Variants in CLDN2 observed in about 807,000 individuals in gnomAD.
CLDN2 encodes claudin 2.
In CLDN2, 1 loss-of-function variant was observed where a neutral mutation model predicts 8.2. That is an observed-to-expected ratio of 0.12 (90% CI 0.04 to 0.58). The LOEUF (loss-of-function observed/expected upper bound fraction) is 0.58, where lower values mean the gene tolerates loss of function less well. Among genes scored for constraint, CLDN2 ranks in the 20% least tolerant of loss-of-function variants. The probability of loss-of-function intolerance (pLI) is 0.90; values close to 1 mark genes in which losing one functional copy is unlikely to be tolerated. For synonymous variants in CLDN2, 70 were observed against 70.2 expected, an observed-to-expected ratio of 1.00 and a Z score of 0.01; for missense variants, 108 against 172.9, an observed-to-expected ratio of 0.62 and a Z score of 2.11.
upstream of CLDN2, among the ~76,000 whole-genome samples, chrX:106,918,169 A>C (rs1933338929): frequency 8.9e-6 from 1 of 112,337 alleles, no homozygotes; most frequent in African/African-American, 3.2e-5. Flanking sequence ...TTCAATCAGC[A>C]TTTTCTACTT....
intron 1 of CLDN2, chrX:106,901,683 C>T: frequency 1.9e-6 from 1 of 513,377 alleles, no homozygotes; most frequent in Non-Finnish European, 3.2e-6. Flanking sequence ...CAATACCCAC[C>T]CCTCAACAAG....
At chrX:106,903,480 G>A in intron 1 of CLDN2, 1 of 382,287 alleles carries the variant, frequency 2.6e-6, no homozygotes, top group Non-Finnish European at 4.4e-6. Flanking sequence ...GGGTTACCTG[G>A]GTGTGAAATC....
At chrX:106,911,941 A>G (rs192585700) in intron 1 of CLDN2, among the ~76,000 whole-genome samples, 95 of 111,610 alleles carry the variant, frequency 8.5e-4, no homozygotes, top group African/African-American at 3.0e-3. Context: ...GGGCCTTCTA[A>G]GACAGAGCAC....
In CLDN2 at chrX:106,929,023, A is replaced by T; in HGVS notation, c.*102A>T. On this transcript the variant is annotated 3_prime_UTR_variant, in exon 2 of 2. Coordinates refer to ENST00000336803, the MANE Select transcript of CLDN2 (RefSeq NM_020384.4). The stretch of plus-strand genomic sequence containing the variant: ...GGACACTACCACTGGATCGTGTCAG[A>T]AGGTGCTGCTGAGGATAGACTGACT... The T allele has an allele frequency of 1.4e-6, 1 of 712,177 alleles. No homozygotes were observed. The highest frequency in any genetic ancestry group is 2.1e-6 in the Non-Finnish European group (1 of 474,293). The allele number at this position is 712,177 out of a possible 1,213,427, so 58.7% of individuals were successfully genotyped here.
rs138799168 is a variant in CLDN2, at chrX:106,908,567, C to CT, written c.-179+8078dup. 1.7e-3 allele frequency among the ~76,000 whole-genome samples: 153 copies of CT among 91,505 alleles called. 1 individual carries two copies. The highest frequency in any genetic ancestry group is 3.0e-3 in the East Asian group (9 of 2,954). 79.5% of individuals were successfully genotyped at this position (91,505 alleles called of 115,157 possible). A position where few individuals can be genotyped will look rare whatever the true frequency, so the allele number is the denominator to read the frequency against. ...GTATTTTTTTTCTTTCTTTTCTTTTCTTTTTTTTTTTTTTTGTTGTTGTTT... is the reference window on the plus strand; with the variant it reads ...GTATTTTTTTTCTTTCTTTTCTTTTCTTTTTTTTTTTTTTTTGTTGTTGTTT... On this transcript the variant is annotated intron_variant, in intron 1 of 1. Transcript: ENST00000541806.
intron 1 of CLDN2, among the ~76,000 whole-genome samples, chrX:106,904,774 G>T: frequency 8.9e-6 from 1 of 112,038 alleles, no homozygotes; most frequent in Non-Finnish European, 1.9e-5. Context: ...AATTGGCATG[G>T]TAGAAGAATG....
intron 1 of CLDN2, chrX:106,902,184 A>G: frequency 8.4e-7 from 1 of 1,191,292 alleles, no homozygotes; most frequent in Non-Finnish European, 1.1e-6. Flanking sequence ...TCATTTGTGG[A>G]AGACAGCCAG....
At chrX:106,900,473 A>T in exon 1 of CLDN2, 2 of 292,594 alleles carry the variant, frequency 6.8e-6, no homozygotes, top group Non-Finnish European at 1.2e-5. Flanking sequence ...AGACAATGAG[A>T]TGCAAGAGGC....
chrX:106,922,034 T>C (rs752959940), intron 1 of CLDN2, among the ~76,000 whole-genome samples: 2 of 112,235 alleles, frequency 1.8e-5, no homozygotes, highest in Non-Finnish European at 3.8e-5. Flanking sequence ...GATGACAAAC[T>C]AGGGCCTAGA....
At chrX:106,906,090 T>C (rs1933175342) in intron 1 of CLDN2, among the ~76,000 whole-genome samples, 1 of 112,131 alleles carries the variant, frequency 8.9e-6, no homozygotes, top group African/African-American at 3.2e-5. Context: ...TAGGCAAAAG[T>C]TGGCTGTTCT....
chrX:106,917,200 C>T (rs1221913576), upstream of CLDN2, among the ~76,000 whole-genome samples: 1 of 112,192 alleles, frequency 8.9e-6, no homozygotes, highest in African/African-American at 3.2e-5. Context: ...ATGAGACTTC[C>T]CAGAATGGGA....
intron 1 of CLDN2, chrX:106,900,746 C>T (rs371741763): frequency 2.4e-5 from 29 of 1,203,325 alleles, no homozygotes; most frequent in African/African-American, 3.5e-5. Flanking sequence ...TTTCATTGGC[C>T]TCCTACTTCT....
intron 1 of CLDN2, among the ~76,000 whole-genome samples, chrX:106,925,635 A>G (rs1394499429): frequency 1.8e-5 from 2 of 112,390 alleles, no homozygotes; most frequent in Non-Finnish European, 3.8e-5. Flanking sequence ...AATGTGTTGA[A>G]AGATCACCTT....
chrX:106,920,018 T>C (rs939727985), upstream of CLDN2, among the ~76,000 whole-genome samples: 5 of 112,075 alleles, frequency 4.5e-5, no homozygotes, highest in Admixed American at 4.7e-4. Context: ...GAAAAGTCTA[T>C]GGAGCTGCAG....
chrX:106,900,663 G>C, intron 1 of CLDN2: 2 of 1,125,693 alleles, frequency 1.8e-6, no homozygotes, highest in Non-Finnish European at 2.3e-6. Context: ...ATAGGTTAGG[G>C]GTGAGGAAGG....
At chrX:106,901,550 A>G (rs751427848) in intron 1 of CLDN2, 2 of 1,209,457 alleles carry the variant, frequency 1.7e-6, no homozygotes, top group Non-Finnish European at 1.1e-6. Flanking sequence ...TGTCCAAAGC[A>G]AAAGCTAGCA....
upstream of CLDN2, among the ~76,000 whole-genome samples, chrX:106,915,487 C>T (rs1933300777): frequency 8.9e-6 from 1 of 112,374 alleles, no homozygotes; most frequent in African/African-American, 3.2e-5. Context: ...TCTTATTTTA[C>T]AAAAGAAACC....
chrX:106,901,042 A>G, intron 1 of CLDN2: 1 of 1,020,108 alleles, frequency 9.8e-7, no homozygotes, highest in Non-Finnish European at 1.3e-6. Context: ...AGGAAGAAAG[A>G]AAGTTTTGTA....
rs749402798 is a variant in CLDN2 at position 106,928,546 on chromosome X, C to T, written c.318C>T (p.Val106=). 8.3e-7 allele frequency: 1 copy of T among 1,211,772 alleles called. No individual in the cohort carries two copies. The highest frequency in any genetic ancestry group is 1.1e-6 in the Non-Finnish European group (1 of 895,498). The change falls in exon 2 of 2, where the codon GTC becomes GTT. Residue 106 remains valine (V), a synonymous_variant. Coordinates refer to ENST00000336803, the MANE Select transcript of CLDN2 (RefSeq NM_020384.4). ...IISVVGMRCT[V]FCQESRAKDR... is the part of the protein sequence containing the mutation. ...CTGTGGTGGGCATGAGATGCACAGTCTTCTGCCAGGAATCCCGAGCCAAAG... is the reference window on the plus strand; with the variant it reads ...CTGTGGTGGGCATGAGATGCACAGTTTTCTGCCAGGAATCCCGAGCCAAAG...
Sources: allele counts gnomAD v4.1 joint callset (sites outside exome capture counted in the v4.1 genomes callset), GRCh38; gene constraint gnomAD v4.1.1; transcripts MANE v1.5; gene names NCBI Gene and HGNC (gene_info 2026-07-23, HGNC 2026-07-21).